Variants in KLHL13 observed in about 807,000 individuals in gnomAD.
KLHL13 encodes the protein kelch-like protein 13.
KLHL13 carries 10 observed loss-of-function variants against 37.1 expected under a neutral mutation model. The observed-to-expected ratio is 0.27, with a 90% CI of 0.17 to 0.46. KLHL13 has a LOEUF of 0.46. Among genes scored for constraint, KLHL13 ranks in the 20% least tolerant of loss-of-function variants. The pLI is 1.00. For synonymous variants in KLHL13, 163 were observed against 181.2 expected (o/e 0.90, Z 0.81); for missense variants, 360 against 509.3 (o/e 0.71, Z 2.82).
chrX:118,071,800 C>A (rs2054869047), intron 1 of KLHL13, among the ~76,000 whole-genome samples: 1 of 101,877 alleles, frequency 9.8e-6, no homozygotes, highest in African/African-American at 3.6e-5. Flanking sequence ...TCAAGGAGAA[C>A]TACAAACCAC....
At chrX:118,054,847 G>T in intron 1 of KLHL13, among the ~76,000 whole-genome samples, 1 of 110,546 alleles carries the variant, frequency 9.0e-6, no homozygotes, top group East Asian at 2.8e-4. Context: ...CATCCTATTC[G>T]ATCAAAAGCC....
intron 1 of KLHL13, among the ~76,000 whole-genome samples, chrX:117,958,955 T>C (rs1373245475): frequency 8.9e-6 from 1 of 111,853 alleles, no homozygotes; most frequent in Non-Finnish European, 1.9e-5. Context: ...GGGTTATTTG[T>C]TCCAGATCAG....
chrX:117,919,744 T>G (rs1931588165), intron 3 of KLHL13, 27 bp from the exon 5 acceptor site: 7 of 1,076,352 alleles, frequency 6.5e-6, no homozygotes, highest in Middle Eastern at 2.5e-4. Flanking sequence ...TTCAATTAAA[T>G]GAAGGTGGAT....
Position 117,995,538 on chromosome X carries a change from A to G in KLHL13, c.-55-49963T>C, listed in dbSNP as rs756523350. ...TGGTGGTTTGCTGCACCTATCAAGT[A>G]AACAATTCAGTGGCATTCAGTGCAT... On this transcript the variant is annotated intron_variant, in intron 1 of 6. Transcript: ENST00000371882. Among the ~76,000 whole-genome samples, 3 of 111,632 alleles carry G rather than the reference A, an allele frequency of 2.7e-5. No homozygotes were observed. The South Asian group carries it at 1.2e-3, about 43-fold the overall frequency.
rs1264580801 is a variant in KLHL13 at position 118,072,060 on chromosome X, CA to C, written c.-56+44447del. Among the ~76,000 whole-genome samples, 143 of 109,834 alleles carry C rather than the reference CA, an allele frequency of 1.3e-3. 1 individual carries two copies. Among genetic ancestry groups the C allele is most frequent in the African/African-American group, 4.4e-3 (135 of 30,347 alleles). On this transcript the variant is annotated intron_variant, in intron 1 of 6. Coordinates refer to the KLHL13 transcript ENST00000371882. ...CAAAAGAACAAAGCTGGAGGCATCA[CA>C]CTACCTGACTTCAAACTATACTACA...
chrX:117,903,216 G>A (rs58801982), intron 5 of KLHL13, among the ~76,000 whole-genome samples: 4,583 of 105,624 alleles, frequency 0.043, 247 homozygotes, highest in African/African-American at 0.16. Flanking sequence ...CTACTTTTCC[G>A]CTCTATTCAA....
chrX:118,071,140 T>C (rs2054858984), intron 1 of KLHL13, among the ~76,000 whole-genome samples: 2 of 112,259 alleles, frequency 1.8e-5, no homozygotes, highest in Admixed American at 1.9e-4. Flanking sequence ...CCACATTCTC[T>C]TAACCCAGTC....
intron 1 of KLHL13, among the ~76,000 whole-genome samples, chrX:118,028,964 T>A (rs1221945110): frequency 8.9e-6 from 1 of 111,994 alleles, no homozygotes; most frequent in Non-Finnish European, 1.9e-5. Flanking sequence ...TTTTGTGCAG[T>A]GTATCCATGC....
chrX:117,899,992 C>A (rs181723625), intron 6 of KLHL13, among the ~76,000 whole-genome samples: 202 of 112,301 alleles, frequency 1.8e-3, no homozygotes, highest in African/African-American at 6.1e-3. Flanking sequence ...TTTCTGTGGG[C>A]AGAGTGAGGG....
chrX:118,060,583 GAGA>G (rs1321150498), intron 1 of KLHL13, among the ~76,000 whole-genome samples: 1 of 110,713 alleles, frequency 9.0e-6, no homozygotes, highest in East Asian at 2.8e-4. Flanking sequence ...CAACAACCCA[GAGA>G]AGAACGTATT....
At chrX:117,923,695 A>G (rs1931847566) in intron 2 of KLHL13, among the ~76,000 whole-genome samples, 1 of 111,365 alleles carries the variant, frequency 9.0e-6, no homozygotes, top group Admixed American at 9.6e-5. Flanking sequence ...TGCATCATGT[A>G]TCGTCAGCTG....
intron 4 of KLHL13, among the ~76,000 whole-genome samples, chrX:117,912,695 C>T (rs1000021844): frequency 8.9e-6 from 1 of 111,801 alleles, no homozygotes; most frequent in African/African-American, 3.2e-5. Context: ...CATAACCTTC[C>T]GAACTGTTAT....
chrX:118,040,242 T>C (rs911688699), intron 1 of KLHL13, among the ~76,000 whole-genome samples: 12 of 111,800 alleles, frequency 1.1e-4, no homozygotes, highest in African/African-American at 3.6e-4. Flanking sequence ...CCAGGAAATA[T>C]GACCTCACCA....
exon 1 of KLHL13, chrX:117,973,375 T>C: frequency 1.0e-6 from 1 of 972,279 alleles, no homozygotes; most frequent in Non-Finnish European, 1.3e-6. Context: ...ACAAATGGGA[T>C]ATAAACCTCA....
Position 118,036,016 on chromosome X carries a change from C to A in KLHL13, c.-56+80492G>T, listed in dbSNP as rs958677231. On this transcript the variant is annotated intron_variant, in intron 1 of 6. Coordinates refer to the KLHL13 transcript ENST00000371882. ...CAACTGCTTCAAAGAGAATAAAATA[C>A]CTAGGAGTCCAACTTACAAGGGATG... 3.9e-5 allele frequency among the ~76,000 whole-genome samples: 4 copies of A among 102,248 alleles called. No individual in the cohort carries two copies. The Admixed American group carries it at 4.1e-4, about 11-fold the overall frequency. 88.8% of individuals were successfully genotyped at this position (102,248 alleles called of 115,157 possible).
At chrX:117,924,327 T>C (rs1294376376) in intron 2 of KLHL13, among the ~76,000 whole-genome samples, 3 of 112,263 alleles carry the variant, frequency 2.7e-5, no homozygotes, top group African/African-American at 9.7e-5. Flanking sequence ...TAGTGAAGTA[T>C]GCATACATTA....
chrX:117,990,748 C>A (rs185970860), intron 1 of KLHL13, among the ~76,000 whole-genome samples: 2 of 111,142 alleles, frequency 1.8e-5, no homozygotes, highest in Non-Finnish European at 1.9e-5. Context: ...GGGCCCAATG[C>A]GAACAAGCCC....
chrX:118,087,685 T>C (rs1372344429), intron 1 of KLHL13, among the ~76,000 whole-genome samples: 2 of 111,600 alleles, frequency 1.8e-5, no homozygotes, highest in African/African-American at 3.3e-5. Context: ...AAAAACTTTA[T>C]CCAAATCTCT....
chrX:118,082,468 G>A (rs2055007412), intron 1 of KLHL13, among the ~76,000 whole-genome samples: 1 of 110,320 alleles, frequency 9.1e-6, no homozygotes, highest in African/African-American at 3.3e-5. Context: ...TTTCTTTTTT[G>A]CTATTGAGTT....
Sources: gnomAD v4.1 joint callset for allele counts (sites outside exome capture counted in the v4.1 genomes callset) on GRCh38, gnomAD v4.1.1 for gene constraint, MANE v1.5 for transcripts, NCBI Gene and HGNC (gene_info 2026-07-23, HGNC 2026-07-21) for gene names.